The following GFRA1 variants were observed in gnomAD, a reference collection of about 807,000 sequenced individuals.
The protein encoded by GFRA1 is GDNF family receptor alpha-1.
Under a neutral mutation model 51.6 loss-of-function variants are expected in GFRA1, and 16 were observed. That is an observed-to-expected ratio of 0.31 (90% CI 0.21 to 0.47). GFRA1 has a LOEUF of 0.47. Among genes scored for constraint, GFRA1 ranks in the 20% least tolerant of loss-of-function variants. The pLI is 1.00. For synonymous variants in GFRA1, 270 were observed against 241.3 expected, an observed-to-expected ratio of 1.12 and a Z score of -1.10; for missense variants, 530 against 594.3, an observed-to-expected ratio of 0.89 and a Z score of 1.13.
chr10:116,116,126 C>T (rs758422523), intron 6 of GFRA1, among the ~76,000 whole-genome samples: 8 of 152,160 alleles, frequency 5.3e-5, no homozygotes, highest in Non-Finnish European at 8.8e-5. Flanking sequence ...TTGAGTTTCA[C>T]GCTTGTTGCC....
At chr10:116,092,151 G>T (rs1421090352) in intron 8 of GFRA1, among the ~76,000 whole-genome samples, 1 of 135,600 alleles carries the variant, frequency 7.4e-6, no homozygotes, top group South Asian at 2.6e-4. Context: ...TTTCAGTCGA[G>T]ACCAAATAAG....
At chr10:116,270,225 C>T (rs1843793751) in intron 3 of GFRA1, among the ~76,000 whole-genome samples, 1 of 152,166 alleles carries the variant, frequency 6.6e-6, no homozygotes, top group Non-Finnish European at 1.5e-5. Context: ...TCTTTCTCTC[C>T]CTGAGCTACT....
chr10:116,189,338 C>T (rs1413115629), intron 5 of GFRA1, among the ~76,000 whole-genome samples: 1 of 152,126 alleles, frequency 6.6e-6, no homozygotes, highest in Non-Finnish European at 1.5e-5. Flanking sequence ...AATTCCTTGA[C>T]CAACACGTCC....
At chr10:116,082,232 C>T (rs1484640339) in intron 9 of GFRA1, among the ~76,000 whole-genome samples, 6 of 150,964 alleles carry the variant, frequency 4.0e-5, no homozygotes, top group Non-Finnish European at 8.8e-5. Flanking sequence ...AGCTCCAAGT[C>T]ACAGCTCCAA....
intron 5 of GFRA1, among the ~76,000 whole-genome samples, chr10:116,204,983 T>A (rs1429796881): frequency 6.6e-6 from 1 of 152,144 alleles, no homozygotes; most frequent in Non-Finnish European, 1.5e-5. Context: ...AGCCAAATGA[T>A]CAAGATCAAC....
Position 116,211,612 on chromosome 10 carries a change from C to T in GFRA1, c.433+19G>A, listed in dbSNP as rs764145334. 4 of 1,548,286 alleles carry T rather than the reference C, an allele frequency of 2.6e-6. No homozygotes were observed. The highest frequency in any genetic ancestry group is 2.4e-5 in the South Asian group (2 of 83,972). ...AGAGCACAGCCAGTGAAAAAGCAGG[C>T]AGGAAACAGTGAACTTACCTTGCTG... On this transcript the variant is annotated intron_variant, in intron 5 of 10. Coordinates refer to ENST00000355422, the MANE Select transcript of GFRA1 (RefSeq NM_005264.8).
intron 8 of GFRA1, among the ~76,000 whole-genome samples, chr10:116,090,458 C>T (rs1956287904): frequency 1.5e-5 from 2 of 133,834 alleles, no homozygotes; most frequent in African/African-American, 5.3e-5. Context: ...AAAAAAACTA[C>T]CCCAAATCTC....
intron 5 of GFRA1, among the ~76,000 whole-genome samples, chr10:116,184,710 G>A (rs1295603270): frequency 6.6e-6 from 1 of 152,230 alleles, no homozygotes; most frequent in African/African-American, 2.4e-5. Context: ...CTGTCTCAGG[G>A]CAATTTCTCT....
intron 4 of GFRA1, among the ~76,000 whole-genome samples, chr10:116,220,332 CT>C (rs746515065): frequency 5.3e-5 from 8 of 152,210 alleles, no homozygotes; most frequent in Admixed American, 1.3e-4. Context: ...GCTTTTTCAT[CT>C]CCATTTCCAA....
At chr10:116,250,663 T>C (rs1968261949) in intron 4 of GFRA1, among the ~76,000 whole-genome samples, 1 of 152,178 alleles carries the variant, frequency 6.6e-6, no homozygotes, top group Non-Finnish European at 1.5e-5. Context: ...TGTCTCAGAA[T>C]TCTAGGATAG....
upstream of GFRA1, among the ~76,000 whole-genome samples, chr10:116,273,725 T>G (rs1314386215): frequency 6.7e-6 from 1 of 148,548 alleles, no homozygotes; most frequent in African/African-American, 2.5e-5. Context: ...CACACACACA[T>G]ACACGGGCAC....
rs1229992043 is a variant in GFRA1 at position 116,175,772 on chromosome 10, C to T, written c.433+35859G>A. 2.6e-5 allele frequency among the ~76,000 whole-genome samples: 4 copies of T among 152,332 alleles called. No homozygotes were observed. In the East Asian group the frequency reaches 7.7e-4, roughly 29 times the overall value. The stretch of plus-strand genomic sequence containing the variant: ...AAAGGAAACAAAGCATTCAGCAGCA[C>T]TGCTTTTCAAATTCAGGAGGAAATG... On this transcript the variant is annotated intron_variant, in intron 5 of 10. Coordinates refer to ENST00000355422, the MANE Select transcript of GFRA1 (RefSeq NM_005264.8).
At chr10:116,251,792 A>C (rs1968385905) in intron 4 of GFRA1, among the ~76,000 whole-genome samples, 1 of 151,982 alleles carries the variant, frequency 6.6e-6, no homozygotes, top group African/African-American at 2.4e-5. Context: ...AACACGCCAC[A>C]GTCACCTGGA....
rs1462973662 is a variant in GFRA1 at position 116,096,663 on chromosome 10, C to T, written c.872G>A (p.Gly291Glu). Reference sequence around the variant, plus strand: ...CTTCTCTCGGATCTTACCAATAAGCCCCGAGTAGGCGAGGAGGCAGTCAGC... The same window carrying T: ...CTTCTCTCGGATCTTACCAATAAGCTCCGAGTAGGCGAGGAGGCAGTCAGC... The part of the protein sequence containing the change: ...NYADCLLAYS[G>E]LIGTVMTPNY... Residue 291 changes from glycine (G) to glutamate (E), a missense_variant, in exon 7 of 11, where the codon GGG becomes GAG. Physicochemically the swap from Gly to Glu is moderately conservative, Grantham distance 98. Coordinates refer to ENST00000355422, the MANE Select transcript of GFRA1 (RefSeq NM_005264.8). The T allele has an allele frequency of 6.4e-7, 1 of 1,568,410 alleles. No individual in the cohort carries two copies. Among genetic ancestry groups the T allele is most frequent in the Non-Finnish European group, 8.8e-7 (1 of 1,138,914 alleles).
chr10:116,167,094 C>T (rs985479651), intron 5 of GFRA1, among the ~76,000 whole-genome samples: 5 of 152,030 alleles, frequency 3.3e-5, no homozygotes, highest in African/African-American at 9.7e-5. Flanking sequence ...CCACCGTGCC[C>T]GGCCCACCAC....
chr10:116,242,100 T>A (rs1967430718), intron 4 of GFRA1, among the ~76,000 whole-genome samples: 1 of 151,828 alleles, frequency 6.6e-6, no homozygotes, highest in Non-Finnish European at 1.5e-5. Context: ...AGATATAATA[T>A]GGGGGCATTC....
At chr10:116,203,250 G>A (rs541170813) in intron 5 of GFRA1, among the ~76,000 whole-genome samples, 3 of 152,268 alleles carry the variant, frequency 2.0e-5, no homozygotes, top group East Asian at 1.9e-4. Flanking sequence ...CAAAAAATTT[G>A]TATGAATCAA....
intron 6 of GFRA1, among the ~76,000 whole-genome samples, chr10:116,104,141 G>C (rs568265401): frequency 6.6e-6 from 1 of 152,214 alleles, no homozygotes. Context: ...CTGGTAGTGG[G>C]ATTATTAAAG....
At chr10:116,184,273 C>T (rs1421722323) in intron 5 of GFRA1, among the ~76,000 whole-genome samples, 2 of 152,246 alleles carry the variant, frequency 1.3e-5, no homozygotes, top group Non-Finnish European at 2.9e-5. Flanking sequence ...CTCCAGATGG[C>T]ATAGGGGAGG....
Sources: allele counts gnomAD v4.1 joint callset (sites outside exome capture counted in the v4.1 genomes callset), GRCh38; gene constraint gnomAD v4.1.1; transcripts MANE v1.5; gene names NCBI Gene and HGNC (gene_info 2026-07-23, HGNC 2026-07-21).